Variants in PRDM6 observed in about 807,000 individuals in gnomAD.
The protein encoded by PRDM6 is PR/SET domain 6.
A neutral mutation model predicts 60.8 loss-of-function variants in PRDM6; 25 were observed. The ratio of observed to expected loss-of-function variants is 0.41; its 90% confidence interval spans 0.30 to 0.57. The LOEUF is 0.57. Among genes scored for constraint, PRDM6 ranks in the 20% least tolerant of loss-of-function variants. PRDM6 has a pLI of 0.27. For missense variants in PRDM6, 839 were observed against 821.3 expected (o/e 1.02, Z -0.26); for synonymous variants, 407 against 357.4 (o/e 1.14, Z -1.57).
chr5:123,091,959 A>G (rs1763850813), intron 2 of PRDM6, among the ~76,000 whole-genome samples: 1 of 152,194 alleles, frequency 6.6e-6, no homozygotes, highest in Non-Finnish European at 1.5e-5. Flanking sequence ...AACACTGGGC[A>G]ACTGCCTCGT....
chr5:123,098,774 C>T (rs1343723222), intron 2 of PRDM6, among the ~76,000 whole-genome samples: 1 of 152,238 alleles, frequency 6.6e-6, no homozygotes, highest in African/African-American at 2.4e-5. Flanking sequence ...TCCTTTCTTC[C>T]GGCGTCTAGG....
chr5:123,116,820 A>C (rs943704409), intron 3 of PRDM6, among the ~76,000 whole-genome samples: 1 of 152,230 alleles, frequency 6.6e-6, no homozygotes, highest in South Asian at 2.1e-4. Context: ...AGAAATAGTA[A>C]GGAAATGCCC....
At chr5:123,094,570 T>G (rs116100193) in intron 2 of PRDM6, among the ~76,000 whole-genome samples, 1,556 of 152,236 alleles carry the variant, frequency 0.01, 18 homozygotes, top group African/African-American at 0.036. Context: ...AGATTGAGGT[T>G]AGAAGAGGTG....
At chr5:123,160,423 G>T (rs1386897125) in intron 5 of PRDM6, among the ~76,000 whole-genome samples, 3 of 152,324 alleles carry the variant, frequency 2.0e-5, no homozygotes, top group East Asian at 3.8e-4. Context: ...CAGTGATATT[G>T]TGTTTTCTTG....
chr5:123,182,989 C>T (rs1257340848), intron 7 of PRDM6, among the ~76,000 whole-genome samples: 3 of 152,198 alleles, frequency 2.0e-5, no homozygotes, highest in African/African-American at 7.2e-5. Context: ...TGGGAATCTT[C>T]CAACCATAGC....
intron 3 of PRDM6, among the ~76,000 whole-genome samples, chr5:123,124,410 A>G (rs1764649314): frequency 6.6e-6 from 1 of 152,362 alleles, no homozygotes; most frequent in Admixed American, 6.5e-5. Flanking sequence ...AAGTGTTTTT[A>G]TGGAACAGAC....
chr5:123,143,734 C>T (rs1765175335), intron 3 of PRDM6, among the ~76,000 whole-genome samples: 1 of 152,070 alleles, frequency 6.6e-6, no homozygotes, highest in Non-Finnish European at 1.5e-5. Flanking sequence ...GGGCCACTTC[C>T]ATTTTCTGAG....
At chr5:123,146,564 T>C (rs1765242825) in intron 3 of PRDM6, among the ~76,000 whole-genome samples, 1 of 152,250 alleles carries the variant, frequency 6.6e-6, no homozygotes, top group Non-Finnish European at 1.5e-5. Flanking sequence ...CTCTGTGGTT[T>C]ATTTTCCAAA....
intron 3 of PRDM6, among the ~76,000 whole-genome samples, chr5:123,113,019 T>C (rs1260032120): frequency 6.6e-6 from 1 of 152,154 alleles, no homozygotes; most frequent in Non-Finnish European, 1.5e-5. Context: ...TTTTAAAATA[T>C]TAATAGACAT....
At position 123,187,433 on chromosome 5, in the gene PRDM6, AC is replaced by A. The variant is rs1417892290; in HGVS notation, c.*234del. On this transcript the variant is annotated 3_prime_UTR_variant, in exon 8 of 8. Transcript: ENST00000407847. ...TGAGACTTATTTCAGTGGACAACTA[AC>A]CTGGGATGGTTAACATTTCCAGTCC... is the stretch of plus-strand genomic sequence containing the variant. 3.0e-6 allele frequency: 1 copy of A among 335,634 alleles called. No homozygotes were observed. The highest frequency in any genetic ancestry group is 5.6e-6 in the Non-Finnish European group (1 of 177,506). 20.8% of individuals were successfully genotyped at this position (335,634 alleles called of 1,614,324 possible).
At chr5:123,093,859 C>T (rs1356557008) in intron 2 of PRDM6, among the ~76,000 whole-genome samples, 2 of 151,798 alleles carry the variant, frequency 1.3e-5, no homozygotes, top group African/African-American at 4.8e-5. Context: ...GTTTTTCAGG[C>T]CTTTTTTGTA....
intron 3 of PRDM6, among the ~76,000 whole-genome samples, chr5:123,109,992 A>G (rs1227209436): frequency 6.6e-6 from 1 of 152,202 alleles, no homozygotes; most frequent in Non-Finnish European, 1.5e-5. Context: ...TAAATATTAA[A>G]TGACAACAAA....
chr5:123,161,657 G>A (rs1262365484), intron 5 of PRDM6, among the ~76,000 whole-genome samples: 1 of 152,188 alleles, frequency 6.6e-6, no homozygotes, highest in African/African-American at 2.4e-5. Flanking sequence ...AGGTCAGCAT[G>A]GGTGCGGCTG....
chr5:123,165,452 A>C (rs2126879831), intron 5 of PRDM6, among the ~76,000 whole-genome samples: 1 of 151,458 alleles, frequency 6.6e-6, no homozygotes, highest in East Asian at 1.9e-4. Flanking sequence ...GTCACCATCC[A>C]CTCTGGCTTG....
intron 6 of PRDM6, among the ~76,000 whole-genome samples, chr5:123,179,355 C>T (rs1766090875): frequency 6.6e-6 from 1 of 152,162 alleles, no homozygotes; most frequent in Non-Finnish European, 1.5e-5. Context: ...TCATGCCTTG[C>T]TGCCAGATTC....
intron 3 of PRDM6, among the ~76,000 whole-genome samples, chr5:123,116,734 G>A (rs1385471404): frequency 6.6e-6 from 1 of 152,146 alleles, no homozygotes; most frequent in African/African-American, 2.4e-5. Flanking sequence ...GGTCAGGCTA[G>A]GCTTTGTAAG....
intron 3 of PRDM6, among the ~76,000 whole-genome samples, chr5:123,147,813 C>A (rs934623049): frequency 2.6e-5 from 4 of 152,230 alleles, no homozygotes; most frequent in African/African-American, 9.6e-5. Context: ...GATCAACAGA[C>A]AGAGCATGCC....
chr5:123,178,694 T>G (rs571222439), intron 6 of PRDM6, among the ~76,000 whole-genome samples: 1 of 152,334 alleles, frequency 6.6e-6, no homozygotes, highest in South Asian at 2.1e-4. Context: ...AGCTAAAAAA[T>G]TCTACAATCA....
chr5:123,095,386 G>T (rs747422418), intron 2 of PRDM6, among the ~76,000 whole-genome samples: 2 of 152,244 alleles, frequency 1.3e-5, no homozygotes, highest in African/African-American at 4.8e-5. Context: ...CCTATAGCTC[G>T]AGAAGGCAGT....
Sources: gnomAD v4.1 joint callset for allele counts (sites outside exome capture counted in the v4.1 genomes callset) on GRCh38, gnomAD v4.1.1 for gene constraint, MANE v1.5 for transcripts, NCBI Gene and HGNC (gene_info 2026-07-23, HGNC 2026-07-21) for gene names.